The following ZNF567 variants were observed in gnomAD, a reference collection of about 807,000 sequenced individuals.
ZNF567 encodes the protein zinc finger protein 567.
Under a neutral mutation model 53.9 loss-of-function variants are expected in ZNF567, and 36 were observed. That is an observed-to-expected ratio of 0.67 (90% CI 0.51 to 0.88). The LOEUF is 0.88. Among genes scored for constraint, ZNF567 ranks in the 40% least tolerant of loss-of-function variants. The pLI, the probability that ZNF567 is intolerant of heterozygous loss-of-function variation, is 0.00. For missense variants in ZNF567, 619 were observed against 764.7 expected (o/e 0.81, Z 2.25); for synonymous variants, 224 against 260.4 (o/e 0.86, Z 1.35).
At chr19:36,702,120 T>G (rs1037956842) in intron 3 of ZNF567, among the ~76,000 whole-genome samples, 7 of 152,140 alleles carry the variant, frequency 4.6e-5, no homozygotes, top group African/African-American at 1.7e-4. Flanking sequence ...GCAGGCCTGG[T>G]GGTGACAAAA....
the ZNF567 span, among the ~76,000 whole-genome samples, chr19:36,676,548 C>A: frequency 7.6e-3 from 1,152 of 152,218 alleles, 12 homozygotes; most frequent in Non-Finnish European, 0.012. Context: ...GTGGGACTTA[C>A]TTTCAGTGGC....
At chr19:36,703,340 G>C (rs1158059439) in intron 3 of ZNF567, among the ~76,000 whole-genome samples, 2 of 151,990 alleles carry the variant, frequency 1.3e-5, no homozygotes, top group Non-Finnish European at 2.9e-5. Flanking sequence ...CCCCTACTGG[G>C]GGGGGTGCCT....
chr19:36,698,074 CT>C (rs952780500), intron 3 of ZNF567, among the ~76,000 whole-genome samples: 6 of 151,962 alleles, frequency 3.9e-5, no homozygotes, highest in African/African-American at 1.2e-4. Context: ...TCCCTCCCCC[CT>C]CTCCCCACCC....
chr19:36,697,760 C>G (rs1050710714), intron 3 of ZNF567, among the ~76,000 whole-genome samples: 1 of 151,826 alleles, frequency 6.6e-6, no homozygotes, highest in South Asian at 2.1e-4. Flanking sequence ...TACAGGCATG[C>G]ACCACCATGC....
chr19:36,680,894 C>G, the ZNF567 span, among the ~76,000 whole-genome samples: 4 of 152,098 alleles, frequency 2.6e-5, no homozygotes, highest in African/African-American at 9.7e-5. Flanking sequence ...GGATTTAGGA[C>G]CCAACCCACC....
At chr19:36,702,197 T>A (rs1481082109) in intron 3 of ZNF567, among the ~76,000 whole-genome samples, 1 of 152,306 alleles carries the variant, frequency 6.6e-6, no homozygotes, top group Non-Finnish European at 1.5e-5. Flanking sequence ...TTAGTTTGGC[T>A]GGATATGAAA....
At chr19:36,675,762 T>A in the ZNF567 span, among the ~76,000 whole-genome samples, 2 of 152,218 alleles carry the variant, frequency 1.3e-5, 1 homozygote, top group Middle Eastern at 6.8e-3. Flanking sequence ...GGCAGGAGGA[T>A]CAGTTGAGCC....
At chr19:36,684,063 G>A (rs776461220), upstream of ZNF567, among the ~76,000 whole-genome samples, 5 of 152,048 alleles carry the variant, frequency 3.3e-5, no homozygotes, top group Non-Finnish European at 7.4e-5. Context: ...GTAAAACATT[G>A]CATATAATGG....
chr19:36,713,105 C>G (rs2039871622), intron 5 of ZNF567, among the ~76,000 whole-genome samples: 1 of 151,878 alleles, frequency 6.6e-6, no homozygotes. Flanking sequence ...GCCACGAGTT[C>G]AGAGCCAGCC....
intron 3 of ZNF567, among the ~76,000 whole-genome samples, chr19:36,697,141 C>T (rs2038928840): frequency 1.3e-5 from 2 of 152,176 alleles, no homozygotes; most frequent in Non-Finnish European, 2.9e-5. Context: ...ACATGATGCA[C>T]ATCTCCTTTT....
At chr19:36,711,672 T>C (rs980770705) in intron 3 of ZNF567, 1 of 152,226 alleles carries the variant, frequency 6.6e-6, no homozygotes, top group African/African-American at 2.4e-5. Context: ...GAAATTGTTC[T>C]ACCTTTGTGA....
chr19:36,669,677 G>A, the ZNF567 span, among the ~76,000 whole-genome samples: 119,172 of 152,102 alleles, frequency 0.78, 46,809 homozygotes, highest in African/African-American at 0.83. Context: ...AATAAAAGCC[G>A]TAGGTCCCTT....
chr19:36,707,709 C>CA (rs2145781975), intron 3 of ZNF567, among the ~76,000 whole-genome samples: 1 of 152,228 alleles, frequency 6.6e-6, no homozygotes, highest in South Asian at 2.1e-4. Context: ...TCCTGAGTAG[C>CA]TGGGATTACA....
chr19:36,692,258 G>C (rs2038656388), intron 2 of ZNF567, among the ~76,000 whole-genome samples: 1 of 152,164 alleles, frequency 6.6e-6, no homozygotes, highest in Non-Finnish European at 1.5e-5. Context: ...TGTGGTGGTG[G>C]TGACACAAAT....
intron 3 of ZNF567, among the ~76,000 whole-genome samples, chr19:36,699,629 G>T (rs987952422): frequency 3.3e-5 from 5 of 152,178 alleles, no homozygotes; most frequent in Admixed American, 3.3e-4. Flanking sequence ...CCTTGAAGAG[G>T]TCCTTCACAT....
chr19:36,680,640 ACT>A, the ZNF567 span, among the ~76,000 whole-genome samples: 2 of 152,156 alleles, frequency 1.3e-5, no homozygotes, highest in Non-Finnish European at 2.9e-5. Context: ...ACAATAGTTT[ACT>A]CTCTCACATT....
At chr19:36,707,128 C>T (rs769716634) in intron 3 of ZNF567, among the ~76,000 whole-genome samples, 3 of 151,836 alleles carry the variant, frequency 2.0e-5, no homozygotes, top group Non-Finnish European at 2.9e-5. Flanking sequence ...ATGCCATCTT[C>T]CTATTTTTTC....
At chr19:36,724,757 G>A (rs1600592890), downstream of ZNF567, among the ~76,000 whole-genome samples, 1 of 150,868 alleles carries the variant, frequency 6.6e-6, no homozygotes, top group East Asian at 2.0e-4. Flanking sequence ...CTGAGGCAGG[G>A]GAATAGCTTA....
chr19:36,705,704 G>A (rs942961491), intron 3 of ZNF567, among the ~76,000 whole-genome samples: 55 of 75,130 alleles, frequency 7.3e-4, no homozygotes, highest in African/African-American at 2.8e-3. Flanking sequence ...TGTGTTGAAA[G>A]TTTTCTGTAT....
Sources: allele counts gnomAD v4.1 joint callset (sites outside exome capture counted in the v4.1 genomes callset), GRCh38; gene constraint gnomAD v4.1.1; transcripts MANE v1.5; gene names NCBI Gene and HGNC (gene_info 2026-07-23, HGNC 2026-07-21).